Variants in JAG2 observed in about 807,000 individuals in gnomAD.
JAG2 encodes jagged canonical Notch ligand 2.
Under a neutral mutation model 141.7 loss-of-function variants are expected in JAG2, and 46 were observed. The ratio of observed to expected loss-of-function variants is 0.32; its 90% CI spans 0.26 to 0.42. The LOEUF (loss-of-function observed/expected upper bound fraction) is 0.42. JAG2 is among the 10% of genes least tolerant of loss of function. JAG2 has a pLI of 1.00. For missense variants in JAG2, 1,500 were observed against 1,817.5 expected (o/e 0.83, Z 3.18); for synonymous variants, 862 against 763.5 (o/e 1.13, Z -2.13).
In JAG2 at chr14:105,147,895, G is replaced by C. The variant is rs755010909; in HGVS notation, c.2249-7C>G. 1 of 1,545,134 alleles carries C rather than the reference G, an allele frequency of 6.5e-7. No individual in the cohort carries two copies. Among genetic ancestry groups the C allele is most frequent in the South Asian group, 1.2e-5 (1 of 83,972 alleles). The stretch of plus-strand genomic sequence containing the variant: ...AGGCAGCTGCTGTTCTTGGCTGTAA[G>C]GAGAGGAGGAGGAGGGAGCGTCTCA... On this transcript the variant is annotated splice_region_variant and splice_polypyrimidine_tract_variant and intron_variant, in intron 17 of 25. Transcript: ENST00000331782.
Position 105,167,637 on chromosome 14 carries a change from C to T in JAG2, c.417+120G>A, listed in dbSNP as rs1280189285. ...CGCGCCCCCTGCCGGCCCCGCCCCG[C>T]CTGGGCGCGCGCGGCTCGCACGCAG... On this transcript the variant is annotated intron_variant, in intron 2 of 25. Coordinates refer to ENST00000331782, the MANE Select transcript of JAG2 (RefSeq NM_002226.5). The surrounding 1 kb of genome is among the most constrained non-coding windows in gnomAD (Gnocchi z 4.8). 8.7e-7 allele frequency: 1 copy of T among 1,152,514 alleles called. No individual in the cohort carries two copies. The highest frequency in any genetic ancestry group is 1.1e-6 in the Non-Finnish European group (1 of 929,472). 71.4% of individuals were successfully genotyped at this position (1,152,514 alleles called of 1,614,324 possible). A position where few individuals can be genotyped will look rare whatever the true frequency, so the allele number is the denominator to read the frequency against.
chr14:105,156,285 C>T (rs1417514758), intron 3 of JAG2, among the ~76,000 whole-genome samples: 1 of 152,170 alleles, frequency 6.6e-6, no homozygotes, highest in Non-Finnish European at 1.5e-5. Flanking sequence ...CCACAGGCTC[C>T]ACAGAGAAGG....
intron 11 of JAG2, 23 bp from the exon 12 acceptor site, chr14:105,150,800 C>G: frequency 6.3e-7 from 1 of 1,579,060 alleles, no homozygotes; most frequent in Non-Finnish European, 8.6e-7. Context: ...GCCAGGTGAG[C>G]GTCCCGCAGG....
rs370834769 is a variant in JAG2, at chr14:105,166,333, C to T, written c.417+1424G>A. Among the ~76,000 whole-genome samples, 164 of 152,376 alleles carry T rather than the reference C, an allele frequency of 1.1e-3. 2 individuals carry two copies. The highest frequency in any genetic ancestry group is 3.7e-3 in the African/African-American group (153 of 41,596). ...GAGCAGAAAACACATCCTCAGGTAG[C>T]GATGTGGGGCCACGCTGGCTCAGGC... On this transcript the variant is annotated intron_variant, in intron 2 of 25. Coordinates refer to ENST00000331782, the MANE Select transcript of JAG2 (RefSeq NM_002226.5).
chr14:105,157,076 C>T (rs1298849691), intron 3 of JAG2, among the ~76,000 whole-genome samples: 6 of 152,190 alleles, frequency 3.9e-5, no homozygotes, highest in Non-Finnish European at 8.8e-5. Context: ...CACCCTGACA[C>T]GCCCAGATTC....
intron 22 of JAG2, among the ~76,000 whole-genome samples, 178 bp downstream of exon 22, chr14:105,146,207 C>T (rs1888218023): frequency 6.6e-6 from 1 of 152,202 alleles, no homozygotes; most frequent in Non-Finnish European, 1.5e-5. Context: ...GGCCTGTTTT[C>T]CCAACTGCAC....
chr14:105,145,197 C>T, intron 23 of JAG2, 136 bp from the exon 24 acceptor site: 1 of 1,246,720 alleles, frequency 8.0e-7, no homozygotes, highest in Non-Finnish European at 1.1e-6. Context: ...TGCCAAGGGC[C>T]TGGGGGGGCA....
At chr14:105,148,690 A>G in intron 15 of JAG2, 55 bp downstream of exon 15, 1 of 1,425,812 alleles carries the variant, frequency 7.0e-7, no homozygotes, top group South Asian at 1.2e-5. Flanking sequence ...CAGGGTGATA[A>G]GGGGCCCACA....
At position 105,168,093 on chromosome 14, in the gene JAG2, C is replaced by A. The variant is rs1414820297; in HGVS notation, c.81G>T (p.Met27Ile). The A allele has an allele frequency of 1.3e-6, 2 of 1,561,714 alleles. No individual in the cohort carries two copies. The highest frequency in any genetic ancestry group is 2.3e-5 in the South Asian group (2 of 87,440). ...LALWVQAARP[M>I]GYFELQLSAL... ...CGCTCAGCTGCAGCTCGAAATAGCC[C>A]ATGGGCCGCGCCGCCTAAAAATAAG... Residue 27 changes from methionine to isoleucine, a missense_variant, in exon 2 of 26, where the codon ATG (methionine) becomes ATT (isoleucine). By Grantham distance (10) the Met-to-Ile change is conservative. Transcript: ENST00000331782.
intron 25 of JAG2, 37 bp from the exon 26 acceptor site, chr14:105,143,207 C>T: frequency 1.3e-6 from 2 of 1,576,668 alleles, no homozygotes; most frequent in Non-Finnish European, 1.7e-6. Flanking sequence ...GGCAATGAGG[C>T]CTGGGCACCT....
At chr14:105,147,442 C>T (rs199973361) in intron 19 of JAG2, 31 bp from the exon 20 acceptor site, 3 of 1,610,070 alleles carry the variant, frequency 1.9e-6, no homozygotes, top group African/African-American at 2.7e-5. Context: ...ATCAGGTGGC[C>T]CCCCGTGGTA....
intron 24 of JAG2, 96 bp from the exon 25 acceptor site, chr14:105,143,734 G>A: frequency 6.8e-7 from 1 of 1,479,470 alleles, no homozygotes; most frequent in African/African-American, 1.4e-5. Flanking sequence ...CTGGAGCAAG[G>A]TGGGCGCACG....
chr14:105,147,746 C>T, intron 18 of JAG2, 26 bp downstream of exon 18: 1 of 1,476,288 alleles, frequency 6.8e-7, no homozygotes, highest in African/African-American at 1.4e-5. Flanking sequence ...GAAAGCGGCC[C>T]CCGCCCACAC....
At chr14:105,153,105 C>T (rs775309667) in intron 5 of JAG2, among the ~76,000 whole-genome samples, 5 of 152,174 alleles carry the variant, frequency 3.3e-5, no homozygotes, top group Admixed American at 3.3e-4. Flanking sequence ...CCGGGGGGCC[C>T]TTCCTAGAAC....
chr14:105,151,109 G>A lies in JAG2; in HGVS notation c.1268-5C>T, dbSNP rs1213689266. The stretch of plus-strand genomic sequence containing the variant: ...TCCCTTCACACTCATTGGCGTCTGT[G>A]AAAGAGACAAGGTGGGAGCCGTGGG... On this transcript the variant is annotated splice_polypyrimidine_tract_variant and splice_region_variant and intron_variant, in intron 9 of 25. Coordinates refer to ENST00000331782, the MANE Select transcript of JAG2 (RefSeq NM_002226.5). The A allele has an allele frequency of 5.0e-6, 8 of 1,607,948 alleles. 1 individual carries two copies. The highest frequency in any genetic ancestry group is 3.3e-4 in the Middle Eastern group (2 of 6,012).
In JAG2 at chr14:105,142,961, A is replaced by G. The variant is rs960472351; in HGVS notation, c.3451T>C (p.Cys1151Arg). 12 of 1,610,046 alleles carry G rather than the reference A, an allele frequency of 7.5e-6. No individual in the cohort carries two copies. The highest frequency in any genetic ancestry group is 1.0e-5 in the Non-Finnish European group (12 of 1,178,816). ...PGGHKDVLYQ[C>R]KNFTPPPRRA... ...CGCGGCGGCGGCGTGAAGTTCTTGCACTGGTAGAGCACGTCCTTGTGGCCC... is the reference window on the plus strand; with the variant it reads ...CGCGGCGGCGGCGTGAAGTTCTTGCGCTGGTAGAGCACGTCCTTGTGGCCC... Residue 1151 changes from cysteine to arginine, a missense_variant, in exon 26 of 26, where the codon TGC (cysteine) becomes CGC (arginine). Physicochemically the swap from Cys to Arg is radical, Grantham distance 180 (BLOSUM62 -3). This residue lies in a region of JAG2 where 425 missense variants were observed against 441.0 expected (regional missense o/e 0.96). Transcript: ENST00000331782.
intron 5 of JAG2, 92 bp from the exon 6 acceptor site, chr14:105,152,383 AG>A (rs1371381136): frequency 6.8e-7 from 1 of 1,479,756 alleles, no homozygotes; most frequent in African/African-American, 1.4e-5. Context: ...CGCCACACCC[AG>A]GGCCGGCGGG....
Position 105,167,696 on chromosome 14 carries a change from G to T in JAG2, c.417+61C>A. On this transcript the variant is annotated intron_variant, in intron 2 of 25. Transcript: ENST00000331782. The surrounding 1 kb of genome is among the most constrained non-coding windows in gnomAD (Gnocchi z 4.8). ...GCAGGTGTTGGGGGTCGCGAAGCGC[G>T]CGGGGCCGGGGCGCGGAGAGAGAGG... The T allele has an allele frequency of 2.2e-6, 3 of 1,344,430 alleles. No homozygotes were observed. The allele number at this position is 1,344,430 out of a possible 1,614,324, so 83.3% of individuals were successfully genotyped here.
At chr14:105,157,788 G>A (rs1010450007) in intron 2 of JAG2, 25 bp from the exon 3 acceptor site, 1 of 1,556,234 alleles carries the variant, frequency 6.4e-7, no homozygotes, top group Admixed American at 1.9e-5. Flanking sequence ...AGGCGGGTCA[G>A]GTACCTGAGG....
Sources: allele counts gnomAD v4.1 joint callset (sites outside exome capture counted in the v4.1 genomes callset), GRCh38; gene constraint gnomAD v4.1.1; regional missense constraint gnomAD v4.1.1; non-coding constraint Gnocchi (gnomAD v3.1); transcripts MANE v1.5; gene names NCBI Gene and HGNC (gene_info 2026-07-23, HGNC 2026-07-21).